LYPLA1: variants seen among roughly 807,000 people sequenced by gnomAD.
LYPLA1 encodes lysophospholipase 1, also known as acyl-protein thioesterase 1.
Under a neutral mutation model 34.0 loss-of-function variants are expected in LYPLA1, and 17 were observed. That is an observed-to-expected ratio of 0.50 (90% CI 0.34 to 0.75). The LOEUF (loss-of-function observed/expected upper bound fraction) is 0.75, where lower values mean the gene tolerates loss of function less well. LYPLA1 is among the 30% of genes least tolerant of loss of function. The pLI is 0.01. For synonymous variants in LYPLA1, 98 were observed against 100.8 expected, an observed-to-expected ratio of 0.97 and a Z score of 0.17; for missense variants, 203 against 288.8, an observed-to-expected ratio of 0.70 and a Z score of 2.15.
At position 54,062,489 on chromosome 8, in the gene LYPLA1, C is replaced by CTATTTATTTATTTATT. The variant is rs200422693; in HGVS notation, c.216-181_216-166dup. Among the ~76,000 whole-genome samples the CTATTTATTTATTTATT allele has an allele frequency of 2.6e-3, 385 of 149,004 alleles. 5 individuals carry two copies. The highest frequency in any genetic ancestry group is 0.01 in the South Asian group (47 of 4,678). On this transcript the variant is annotated intron_variant, in intron 4 of 8. Transcript: ENST00000316963. The stretch of plus-strand genomic sequence containing the variant: ...ATTTATTTTTTGAGACGAAGTCTCA[C>CTATTTATTTATTTATT]TATTTATTTATTTATTTATTTATTT...
At chr8:54,044,182 C>A (rs1299660522), downstream of LYPLA1, among the ~76,000 whole-genome samples, 2 of 152,112 alleles carry the variant, frequency 1.3e-5, no homozygotes, top group Non-Finnish European at 2.9e-5. Context: ...TGTGAGGGAG[C>A]CACCGTGCCC....
downstream of LYPLA1, chr8:54,045,464 T>C (rs553844629): frequency 2.6e-5 from 4 of 152,322 alleles, no homozygotes; most frequent in African/African-American, 9.6e-5. Context: ...AACTAAAGAT[T>C]ATCATATGAA....
At chr8:54,092,619 A>C (rs1809385940) in intron 2 of LYPLA1, among the ~76,000 whole-genome samples, 1 of 152,200 alleles carries the variant, frequency 6.6e-6, no homozygotes, top group South Asian at 2.1e-4. Flanking sequence ...AACCATATTA[A>C]TATAAAAAGG....
chr8:54,094,341 A>T (rs1353872824), intron 2 of LYPLA1, among the ~76,000 whole-genome samples: 1 of 152,202 alleles, frequency 6.6e-6, no homozygotes, highest in Non-Finnish European at 1.5e-5. Flanking sequence ...GATATTCAGC[A>T]GATGGGGAGA....
chr8:54,069,106 A>G (rs1037252218), intron 2 of LYPLA1, among the ~76,000 whole-genome samples: 1 of 152,226 alleles, frequency 6.6e-6, no homozygotes, highest in Non-Finnish European at 1.5e-5. Flanking sequence ...TCAAAGCCCC[A>G]ATGATACATC....
At position 54,075,458 on chromosome 8, in the gene LYPLA1, G is replaced by A. The variant is rs772321649; in HGVS notation, c.102-9645C>T. 1.1e-4 allele frequency among the ~76,000 whole-genome samples: 16 copies of A among 152,106 alleles called. No individual in the cohort carries two copies. The South Asian group carries it at 1.2e-3, about 12-fold the overall frequency. ...CCCCTGATTGCAGCCATGTCGAGACGGACGCTGAGGAGGATCCCAACTGTC... is the reference window on the plus strand; with the variant it reads ...CCCCTGATTGCAGCCATGTCGAGACAGACGCTGAGGAGGATCCCAACTGTC... On this transcript the variant is annotated intron_variant, in intron 2 of 8. Coordinates refer to ENST00000316963, the MANE Select transcript of LYPLA1 (RefSeq NM_006330.4).
intron 5 of LYPLA1, among the ~76,000 whole-genome samples, chr8:54,058,843 A>G (rs1806395396): frequency 6.6e-6 from 1 of 151,964 alleles, no homozygotes; most frequent in Admixed American, 6.6e-5. Context: ...TGCTAGGATT[A>G]CAGGTATGAG....
At chr8:54,084,617 G>T (rs970879637) in intron 2 of LYPLA1, among the ~76,000 whole-genome samples, 3 of 151,804 alleles carry the variant, frequency 2.0e-5, no homozygotes, top group African/African-American at 7.3e-5. Flanking sequence ...TTGGTTCTTT[G>T]AAAAGATCAA....
chr8:54,049,520 TCTAGA>T (rs1805699994), intron 8 of LYPLA1, among the ~76,000 whole-genome samples: 1 of 152,148 alleles, frequency 6.6e-6, no homozygotes, highest in South Asian at 2.1e-4. Context: ...CGCCTCAGCC[TCTAGA>T]GTAATTGGAA....
At chr8:54,079,144 T>A (rs76178483) in intron 2 of LYPLA1, among the ~76,000 whole-genome samples, 19,089 of 151,768 alleles carry the variant, frequency 0.13, 3,187 homozygotes, top group African/African-American at 0.39. Context: ...GGCTGGCTAA[T>A]TTTTCTTGTA....
At chr8:54,067,947 A>G (rs974034036) in intron 2 of LYPLA1, among the ~76,000 whole-genome samples, 3 of 152,012 alleles carry the variant, frequency 2.0e-5, no homozygotes, top group African/African-American at 4.8e-5. Flanking sequence ...TCAGCCTCCC[A>G]AAGTGCTGGA....
intron 7 of LYPLA1, among the ~76,000 whole-genome samples, chr8:54,051,792 T>C (rs1656876791): frequency 6.6e-6 from 1 of 151,826 alleles, no homozygotes; most frequent in Non-Finnish European, 1.5e-5. Context: ...TCAGCTTTTT[T>C]TTGTTTGTTT....
chr8:54,085,228 T>C (rs1372736046), intron 2 of LYPLA1, among the ~76,000 whole-genome samples: 1 of 152,254 alleles, frequency 6.6e-6, no homozygotes, highest in Non-Finnish European at 1.5e-5. Context: ...CCGCGAGTGA[T>C]CTGCCAGCCT....
intron 2 of LYPLA1, among the ~76,000 whole-genome samples, chr8:54,082,263 A>G (rs1452236966): frequency 6.6e-6 from 1 of 152,228 alleles, no homozygotes; most frequent in Non-Finnish European, 1.5e-5. Flanking sequence ...CAGGAGCAGT[A>G]AGACAGAGGA....
At chr8:54,072,097 T>C (rs1278700316) in intron 2 of LYPLA1, among the ~76,000 whole-genome samples, 1 of 152,008 alleles carries the variant, frequency 6.6e-6, no homozygotes, top group African/African-American at 2.4e-5. Context: ...CTACAACTAT[T>C]TGATACTCAA....
intron 3 of LYPLA1, 52 bp from the exon 4 acceptor site, chr8:54,063,427 G>A (rs1371256457): frequency 8.8e-7 from 1 of 1,132,008 alleles, no homozygotes; most frequent in Non-Finnish European, 1.3e-6. Context: ...CATAAAAACT[G>A]ATAAATTCCA....
At chr8:54,044,535 C>T (rs1214210319), downstream of LYPLA1, among the ~76,000 whole-genome samples, 1 of 152,062 alleles carries the variant, frequency 6.6e-6, no homozygotes, top group Non-Finnish European at 1.5e-5. Flanking sequence ...CAGTCCACAG[C>T]CCAGACCAAA....
chr8:54,073,668 A>G, intron 2 of LYPLA1: 1 of 398,416 alleles, frequency 2.5e-6, no homozygotes, highest in Non-Finnish European at 4.6e-6. Flanking sequence ...AAAGATGACC[A>G]TTTGTTAGTT....
chr8:54,073,594 T>A, intron 2 of LYPLA1: 1 of 544,972 alleles, frequency 1.8e-6, no homozygotes, highest in East Asian at 3.1e-5. Context: ...TTTACAGAAG[T>A]ATAATTTTAG....
Sources: gnomAD v4.1 joint callset for allele counts (sites outside exome capture counted in the v4.1 genomes callset) on GRCh38, gnomAD v4.1.1 for gene constraint, MANE v1.5 for transcripts, NCBI Gene and HGNC (gene_info 2026-07-23, HGNC 2026-07-21) for gene names.